Variants in TP73 observed in about 807,000 individuals in gnomAD.
TP73 encodes the protein p53-like transcription factor.
TP73 carries 25 observed loss-of-function variants against 62.5 expected under a neutral mutation model. That is an observed-to-expected ratio of 0.40 (90% CI 0.29 to 0.56). The LOEUF (loss-of-function observed/expected upper bound fraction) is 0.56, where lower values mean the gene tolerates loss of function less well. Ranked by LOEUF, TP73 falls within the 20% of genes least tolerant of loss-of-function variation. TP73 has a pLI of 0.46. For synonymous variants in TP73, 423 were observed against 377.5 expected (o/e 1.12, Z -1.40); for missense variants, 754 against 913.3 (o/e 0.83, Z 2.25).
chr1:3,681,381 C>T (rs1482841286), intron 1 of TP73, among the ~76,000 whole-genome samples: 1 of 152,208 alleles, frequency 6.6e-6, no homozygotes, highest in African/African-American at 2.4e-5. Flanking sequence ...TCCCTGTCCC[C>T]TCCCCCAGCT....
At chr1:3,704,725 C>T (rs544671132) in intron 3 of TP73, among the ~76,000 whole-genome samples, 83 of 152,272 alleles carry the variant, frequency 5.5e-4, no homozygotes, top group African/African-American at 1.1e-3. Context: ...TCTTGGGCCT[C>T]GGTGAGGAGT....
intron 12 of TP73, 35 bp downstream of exon 12, chr1:3,731,100 T>C (rs751589073): frequency 6.3e-7 from 1 of 1,597,692 alleles, no homozygotes; most frequent in Non-Finnish European, 8.5e-7. Context: ...GCATGTGCTG[T>C]CACCCTGTCT....
At chr1:3,656,541 A>T (rs556273346) in intron 1 of TP73, among the ~76,000 whole-genome samples, 155 of 152,302 alleles carry the variant, frequency 1.0e-3, no homozygotes, top group African/African-American at 3.6e-3. Flanking sequence ...TAGATACTAT[A>T]ATTATGCCCA....
chr1:3,726,479 AATGGATGGGTGGGTGG>A (rs1641623851), intron 6 of TP73, among the ~76,000 whole-genome samples: 2 of 129,820 alleles, frequency 1.5e-5, no homozygotes, highest in South Asian at 2.7e-4. Flanking sequence ...ATTGATATTG[AATGGATGGGTGGGTGG>A]ATGGATGGGG....
At chr1:3,684,279 A>AAACCAGCCCGAACTGTGGGG (rs1553134443) in intron 3 of TP73, among the ~76,000 whole-genome samples, 2 of 152,218 alleles carry the variant, frequency 1.3e-5, no homozygotes, top group African/African-American at 4.8e-5. Flanking sequence ...GCGCTGCGGA[A>AAACCAGCCCGAACTGTGGGG]AACCAGCCCG....
rs1180839382 is a variant in TP73, at chr1:3,733,124, G to A, written c.*45G>A. The stretch of plus-strand genomic sequence containing the variant: ...CCTGCGCCACCGCCCAGAGACCCAA[G>A]CTGCCTCCCCTCTCCTTCCTGTGTG... On this transcript the variant is annotated 3_prime_UTR_variant, in exon 14 of 14. Transcript: ENST00000378295. 4 of 1,487,414 alleles carry A rather than the reference G, an allele frequency of 2.7e-6. No individual in the cohort carries two copies. The South Asian group carries it at 5.2e-5, about 19-fold the overall frequency. 92.1% of individuals were successfully genotyped at this position (1,487,414 alleles called of 1,614,324 possible).
In TP73 at chr1:3,690,196, C is replaced by T. The variant is rs375972149; in HGVS notation, c.186+7016C>T. On this transcript the variant is annotated intron_variant, in intron 3 of 13. Transcript: ENST00000378295. ...GGCAGGCAGTGGAAGGCAGGCCCCACAAGAGCTGCTCACTCCCGTCACCTG... is the reference window on the plus strand; with the variant it reads ...GGCAGGCAGTGGAAGGCAGGCCCCATAAGAGCTGCTCACTCCCGTCACCTG... 1.2e-4 allele frequency among the ~76,000 whole-genome samples: 19 copies of T among 152,310 alleles called. 1 individual carries two copies. In the East Asian group the frequency reaches 1.7e-3, roughly 14 times the overall value.
intron 10 of TP73, 62 bp from the exon 11 acceptor site, chr1:3,729,938 G>T: frequency 6.6e-7 from 1 of 1,517,712 alleles, no homozygotes; most frequent in Admixed American, 2.0e-5. Flanking sequence ...CACGGGCATG[G>T]GTGGTCGGTG....
chr1:3,729,267 C>CCA, intron 9 of TP73, 60 bp from the exon 10 acceptor site: 1 of 1,606,022 alleles, frequency 6.2e-7, no homozygotes, highest in Non-Finnish European at 8.5e-7. Flanking sequence ...GAGGCTGCGG[C>CCA]CACCCCCCTC....
intron 1 of TP73, among the ~76,000 whole-genome samples, chr1:3,679,782 C>T (rs1016318001): frequency 6.7e-6 from 1 of 149,534 alleles, no homozygotes. Flanking sequence ...CCTTGTCTCT[C>T]TGTTTTGTCT....
At position 3,678,951 on chromosome 1, in the gene TP73, C is replaced by T. The variant is rs530382735; in HGVS notation, c.-33-3382C>T. ...CTCCTGGCGTGGAGGAAGCCCCTTT[C>T]CCACCCCACATGCTCCTGGTGGTGG... On this transcript the variant is annotated intron_variant, in intron 1 of 13. Transcript: ENST00000378295. 3.0e-4 allele frequency among the ~76,000 whole-genome samples: 45 copies of T among 152,350 alleles called. No homozygotes were observed. In the South Asian group the frequency reaches 9.1e-3, roughly 31 times the overall value.
chr1:3,679,322 G>A (rs567221483), intron 1 of TP73, among the ~76,000 whole-genome samples: 4 of 152,360 alleles, frequency 2.6e-5, no homozygotes, highest in Admixed American at 1.3e-4. Context: ...AGCCCTGCGC[G>A]GAGGGATGCC....
At chr1:3,732,213 G>A (rs1642186332) in intron 13 of TP73, among the ~76,000 whole-genome samples, 1 of 152,238 alleles carries the variant, frequency 6.6e-6, no homozygotes, top group Non-Finnish European at 1.5e-5. Context: ...GCCTGGGGCT[G>A]CAGACAGAGA....
At chr1:3,702,429 G>A (rs551343516) in intron 3 of TP73, among the ~76,000 whole-genome samples, 5 of 152,230 alleles carry the variant, frequency 3.3e-5, no homozygotes, top group Non-Finnish European at 4.4e-5. Context: ...TGGCCCAGGC[G>A]AGAGAGCAGC....
intron 1 of TP73, among the ~76,000 whole-genome samples, chr1:3,657,395 T>G (rs1420829149): frequency 6.6e-6 from 1 of 152,180 alleles, no homozygotes; most frequent in East Asian, 1.9e-4. Flanking sequence ...TTTTTGTCCC[T>G]TAGATGGACA....
At chr1:3,695,936 G>T (rs142087782) in intron 3 of TP73, among the ~76,000 whole-genome samples, 59 of 152,370 alleles carry the variant, frequency 3.9e-4, no homozygotes, top group African/African-American at 1.2e-3. Context: ...GGGAAGGGGT[G>T]GGGGAGACCC....
chr1:3,728,298 G>C, intron 9 of TP73, 81 bp downstream of exon 9: 1 of 1,457,312 alleles, frequency 6.9e-7, no homozygotes, highest in East Asian at 2.3e-5. Flanking sequence ...GCCATGGGGA[G>C]GGACTCTGGA....
intron 1 of TP73, among the ~76,000 whole-genome samples, chr1:3,669,554 C>A (rs1300753966): frequency 6.6e-6 from 1 of 152,262 alleles, no homozygotes; most frequent in South Asian, 2.1e-4. Flanking sequence ...GGCTTCCCGG[C>A]TGGGGGCCGC....
intron 6 of TP73, among the ~76,000 whole-genome samples, chr1:3,725,492 A>G (rs1168169373): frequency 1.1e-5 from 1 of 93,622 alleles, no homozygotes; most frequent in Non-Finnish European, 2.1e-5. Flanking sequence ...GAATGGATGG[A>G]GTGGTGAATG....
Sources: gnomAD v4.1 joint callset for allele counts (sites outside exome capture counted in the v4.1 genomes callset) on GRCh38, gnomAD v4.1.1 for gene constraint, MANE v1.5 for transcripts, NCBI Gene and HGNC (gene_info 2026-07-23, HGNC 2026-07-21) for gene names.